The following MYBPC3 variants were observed in gnomAD, a reference collection of about 807,000 sequenced individuals.
The protein encoded by MYBPC3 is myosin binding protein C3, also known as myosin-binding protein C, cardiac-type.
Under a neutral mutation model 159.3 loss-of-function variants are expected in MYBPC3, and 108 were observed. The observed-to-expected ratio is 0.68, with a 90% CI of 0.58 to 0.80. MYBPC3 has a LOEUF of 0.80. MYBPC3 is among the 30% of genes least tolerant of loss of function. MYBPC3 has a pLI of 0.00. For missense variants in MYBPC3, 1,631 were observed against 1,762.1 expected (o/e 0.93, Z 1.33); for synonymous variants, 730 against 702.0 (o/e 1.04, Z -0.63).
At position 47,332,126 on chromosome 11, in the gene MYBPC3, T is replaced by TGCAGACATAGATGCCCCC. The variant is rs193922384; in HGVS notation, c.3742_3759dup (p.Gly1248_Cys1253dup). The TGCAGACATAGATGCCCCC allele has an allele frequency of 3.7e-6, 6 of 1,613,542 alleles. No homozygotes were observed. The highest frequency in any genetic ancestry group is 5.1e-6 in the Non-Finnish European group (6 of 1,179,874). Reference sequence around the variant, plus strand: ...GCCTCGCCCTGTAAGTTGGTGGCCCTGCAGACATAGATGCCCCCGTCAAAG... The same window carrying TGCAGACATAGATGCCCCC: ...GCCTCGCCCTGTAAGTTGGTGGCCCTGCAGACATAGATGCCCCCGCAGACATAGATGCCCCCGTCAAAG... On this transcript the variant is annotated inframe_insertion, in exon 33 of 35. Coordinates refer to ENST00000545968, the MANE Select transcript of MYBPC3 (RefSeq NM_000256.3). This position sits in a 1 kb window ranked among gnomAD's most constrained non-coding sequence, Gnocchi z 4.2.
Position 47,351,110 on chromosome 11 carries a change from C to T in MYBPC3, c.292+129G>A, listed in dbSNP as rs752132862. 40 of 1,218,676 alleles carry T rather than the reference C, an allele frequency of 3.3e-5. No individual in the cohort carries two copies. Among genetic ancestry groups the T allele is most frequent in the Non-Finnish European group, 4.2e-5 (38 of 909,402 alleles). 75.5% of individuals were successfully genotyped at this position (1,218,676 alleles called of 1,614,324 possible). A position where few individuals can be genotyped will look rare whatever the true frequency, so the allele number is the denominator to read the frequency against. On this transcript the variant is annotated intron_variant, in intron 2 of 34. Transcript: ENST00000545968. The surrounding 1 kb of genome is among the most constrained non-coding windows in gnomAD (Gnocchi z 4.2). ...GAAAAGGGGGAAAGGGCGTTCCTGG[C>T]GGGGGGCACAGCCACAGCAAAGGCA...
Position 47,350,487 on chromosome 11 carries a change from C to T in MYBPC3, c.406+15G>A. On this transcript the variant is annotated intron_variant, in intron 3 of 34. Coordinates refer to ENST00000545968, the MANE Select transcript of MYBPC3 (RefSeq NM_000256.3). ...TACCCACGGATCCTGCCCCTCCCTGCCCAGCCCCTCTCACCTTTGGGACTT... is the reference window on the plus strand; with the variant it reads ...TACCCACGGATCCTGCCCCTCCCTGTCCAGCCCCTCTCACCTTTGGGACTT... 1 of 1,549,932 alleles carries T rather than the reference C, an allele frequency of 6.5e-7. No homozygotes were observed. Among genetic ancestry groups the T allele is most frequent in the South Asian group, 1.2e-5 (1 of 83,664 alleles).
rs748746951 is a variant in MYBPC3, at chr11:47,347,857, G to A, written c.821C>T (p.Thr274Met). ...DLDLLSAFRRTSLAGGGRRIS... is the reference protein window; with the variant it reads ...DLDLLSAFRRMSLAGGGRRIS... Reference sequence around the variant, plus strand: ...CCAGGCCCTGAGGATGGCCACTCACGTGCGGCGGAAGGCTGATAGGAGGTC... The same window carrying A: ...CCAGGCCCTGAGGATGGCCACTCACATGCGGCGGAAGGCTGATAGGAGGTC... The change falls in exon 7 of 35, where the codon ACG becomes ATG. Residue 274 changes from threonine to methionine, a missense_variant and splice_region_variant. Physicochemically the swap from Thr to Met is moderately conservative, Grantham distance 81. Coordinates refer to ENST00000545968, the MANE Select transcript of MYBPC3 (RefSeq NM_000256.3). The A allele has an allele frequency of 1.9e-5, 29 of 1,565,364 alleles. No homozygotes were observed. Among genetic ancestry groups the A allele is most frequent in the South Asian group, 4.7e-5 (4 of 84,810 alleles).
chr11:47,344,996 G>T (rs1158332015), intron 12 of MYBPC3, among the ~76,000 whole-genome samples: 4 of 152,162 alleles, frequency 2.6e-5, no homozygotes, highest in Non-Finnish European at 5.9e-5. Flanking sequence ...CACCATGTTG[G>T]TCAGGCTGGT....
At chr11:47,342,469 T>C (rs1356154842) in intron 17 of MYBPC3, 109 bp downstream of exon 17, 4 of 1,329,078 alleles carry the variant, frequency 3.0e-6, no homozygotes, top group Non-Finnish European at 4.0e-6. Flanking sequence ...AGGCCCAAGG[T>C]CACAGAGGCC....
In MYBPC3 at chr11:47,332,466, G is replaced by C. The variant is rs2095878117; in HGVS notation, c.3627+100C>G. ...CCCGGTCCATACACCCCAAGGTGGA[G>C]AGAAAGCAGGGGAGACAGGCTGGGG... On this transcript the variant is annotated intron_variant, in intron 32 of 34. Coordinates refer to ENST00000545968, the MANE Select transcript of MYBPC3 (RefSeq NM_000256.3). The surrounding 1 kb of genome is among the most constrained non-coding windows in gnomAD (Gnocchi z 4.2). 6.6e-7 allele frequency: 1 copy of C among 1,519,276 alleles called. No individual in the cohort carries two copies. Among genetic ancestry groups the C allele is most frequent in the Non-Finnish European group, 8.9e-7 (1 of 1,126,944 alleles). 94.1% of individuals were successfully genotyped at this position (1,519,276 alleles called of 1,614,324 possible). A position where few individuals can be genotyped will look rare whatever the true frequency, so the allele number is the denominator to read the frequency against.
chr11:47,343,548 G>A lies in MYBPC3; in HGVS notation c.1167C>T (p.Asp389=). 1 of 1,611,922 alleles carries A rather than the reference G, an allele frequency of 6.2e-7. No homozygotes were observed. Among genetic ancestry groups the A allele is most frequent in the South Asian group, 1.1e-5 (1 of 90,482 alleles). Residue 389 remains aspartate, a synonymous_variant, in exon 13 of 35, where the codon GAC becomes GAT. Coordinates refer to ENST00000545968, the MANE Select transcript of MYBPC3 (RefSeq NM_000256.3). ...TGAGCCATTTGACCTCAGCGTCATGGTCAGCCAGTTCCACGGTCAGCCGGA... is the reference window on the plus strand; with the variant it reads ...TGAGCCATTTGACCTCAGCGTCATGATCAGCCAGTTCCACGGTCAGCCGGA... ...HKIRLTVELA[D]HDAEVKWLKN...
chr11:47,346,429 T>G lies in MYBPC3; in HGVS notation c.927-59A>C. On this transcript the variant is annotated intron_variant, in intron 11 of 34. Transcript: ENST00000545968. This position sits in a 1 kb window ranked among gnomAD's most constrained non-coding sequence, Gnocchi z 5.3. ...AAGACTGCAGCCCCCTGGGCGGGGC[T>G]TCCTGGGCCCAGGACCAAGGAGCTG... The G allele has an allele frequency of 2.0e-6, 3 of 1,492,138 alleles. No homozygotes were observed. The highest frequency in any genetic ancestry group is 2.7e-6 in the Non-Finnish European group (3 of 1,115,194). 92.4% of individuals were successfully genotyped at this position (1,492,138 alleles called of 1,614,324 possible).
intron 3 of MYBPC3, 52 bp from the exon 4 acceptor site, chr11:47,350,164 C>T: frequency 6.6e-7 from 1 of 1,522,126 alleles, no homozygotes; most frequent in Non-Finnish European, 8.9e-7. Flanking sequence ...TGCTCTGTCA[C>T]CCAGGCTGGA....
chr11:47,332,819 C>T lies in MYBPC3; in HGVS notation c.3485G>A (p.Arg1162Lys), dbSNP rs370040023. The change falls in exon 31 of 35, where the codon AGA becomes AAA. Residue 1162 changes from arginine (R) to lysine (K), a missense_variant. Coordinates refer to ENST00000545968, the MANE Select transcript of MYBPC3 (RefSeq NM_000256.3). The surrounding 1 kb of genome is among the most constrained non-coding windows in gnomAD (Gnocchi z 4.2). ...GAAGAATGAGGGTACAGCACCTGGTCTGGGGATAAAGACGGGCTCCTTGGT... is the reference window on the plus strand; with the variant it reads ...GAAGAATGAGGGTACAGCACCTGGTTTGGGGATAAAGACGGGCTCCTTGGT... ...ATTKEPVFIP[R>K]PGITYEPPNY... is the part of the protein sequence containing the mutation. 1.9e-6 allele frequency: 3 copies of T among 1,605,794 alleles called. No homozygotes were observed. The African/African-American group carries it at 4.0e-5, about 21-fold the overall frequency.
In MYBPC3 at chr11:47,331,681, C is replaced by T; in HGVS notation, c.*62G>A. 1.4e-6 allele frequency: 1 copy of T among 722,100 alleles called. No homozygotes were observed. Among genetic ancestry groups the T allele is most frequent in the East Asian group, 2.7e-5 (1 of 36,430 alleles). 44.7% of individuals were successfully genotyped at this position (722,100 alleles called of 1,614,324 possible). A position where few individuals can be genotyped will look rare whatever the true frequency, so the allele number is the denominator to read the frequency against. On this transcript the variant is annotated 3_prime_UTR_variant, in exon 35 of 35. Coordinates refer to ENST00000545968, the MANE Select transcript of MYBPC3 (RefSeq NM_000256.3). ...AGGGAGGGGTTTCCCCAACTTCCCTCCAGGCTCCTGGCACGGGGCTGGCAT... is the reference window on the plus strand; with the variant it reads ...AGGGAGGGGTTTCCCCAACTTCCCTTCAGGCTCCTGGCACGGGGCTGGCAT...
chr11:47,337,463 T>C lies in MYBPC3; in HGVS notation c.2530A>G (p.Met844Val). ...ATGGCGTTGACCGCGTAGACGCGCA[T>C]CTCGTACACCACGCCCTCGATCATG... The part of the protein sequence containing the change: ...RRMIEGVVYE[M>V]RVYAVNAIGM... The change falls in exon 25 of 35, where the codon ATG (methionine) becomes GTG (valine). Residue 844 changes from methionine (M) to valine (V), a missense_variant. Coordinates refer to ENST00000545968, the MANE Select transcript of MYBPC3 (RefSeq NM_000256.3). 1 of 1,613,766 alleles carries C rather than the reference T, an allele frequency of 6.2e-7. No individual in the cohort carries two copies. The highest frequency in any genetic ancestry group is 8.5e-7 in the Non-Finnish European group (1 of 1,179,864).
At position 47,346,956 on chromosome 11, in the gene MYBPC3, G is replaced by C. The variant is rs897841449; in HGVS notation, c.908+71C>G. 7.6e-5 allele frequency: 58 copies of C among 767,610 alleles called. No individual in the cohort carries two copies. The highest frequency in any genetic ancestry group is 1.3e-4 in the Non-Finnish European group (54 of 420,064). The allele number at this position is 767,610 out of a possible 1,614,324, so 47.5% of individuals were successfully genotyped here. A position where few individuals can be genotyped will look rare whatever the true frequency, so the allele number is the denominator to read the frequency against. ...GAGTCTCTCACCACAGCCTCTCAGA[G>C]AGGGGACGGGAATCCCCTCTGCACC... On this transcript the variant is annotated intron_variant, in intron 10 of 34. Coordinates refer to ENST00000545968, the MANE Select transcript of MYBPC3 (RefSeq NM_000256.3). The surrounding 1 kb of genome is among the most constrained non-coding windows in gnomAD (Gnocchi z 5.3).
chr11:47,338,966 A>C lies in MYBPC3; in HGVS notation c.2149-287T>G, dbSNP rs1165414471. The stretch of plus-strand genomic sequence containing the variant: ...TTCAGAAGAACCAACAGTGCCAGGC[A>C]GGAGCAAGACCCCGGCAGCTACACT... On this transcript the variant is annotated intron_variant, in intron 22 of 34. Transcript: ENST00000545968. This position sits in a 1 kb window ranked among gnomAD's most constrained non-coding sequence, Gnocchi z 4.7. Among the ~76,000 whole-genome samples, 1 of 152,232 alleles carries C rather than the reference A, an allele frequency of 6.6e-6. No individual in the cohort carries two copies. Among genetic ancestry groups the C allele is most frequent in the African/African-American group, 2.4e-5 (1 of 41,456 alleles).
intron 12 of MYBPC3, among the ~76,000 whole-genome samples, chr11:47,343,849 C>T (rs1328930595): frequency 3.3e-5 from 5 of 152,194 alleles, no homozygotes; most frequent in African/African-American, 9.6e-5. Flanking sequence ...AGTGCAATGG[C>T]GCCATCTTGG....
At chr11:47,342,238 G>A (rs1337777900) in intron 17 of MYBPC3, 82 bp from the exon 18 acceptor site, 2 of 1,509,274 alleles carry the variant, frequency 1.3e-6, no homozygotes, top group African/African-American at 1.4e-5. Context: ...GTGGGCCCAT[G>A]GGCGCTGGTG....
rs747597677 is a variant in MYBPC3, at chr11:47,351,522, A to G, written c.26-17T>C. On this transcript the variant is annotated splice_polypyrimidine_tract_variant and intron_variant, in intron 1 of 34. Transcript: ENST00000545968. This position sits in a 1 kb window ranked among gnomAD's most constrained non-coding sequence, Gnocchi z 4.2. ...AAGCTGAGACTGAAGGGCCAGGTGG[A>G]GGCTACAGCGGCCCCTGGTTGGAGC... 3 of 1,566,548 alleles carry G rather than the reference A, an allele frequency of 1.9e-6. No homozygotes were observed. In the East Asian group the frequency reaches 6.8e-5, roughly 36 times the overall value.
chr11:47,332,181 C>T lies in MYBPC3; in HGVS notation c.3705G>A (p.Val1235=), dbSNP rs397516036. ...AGGGCTTTCTAATCTCCAGAGTCAA[C>T]ACTCCCTGCTTGCTGAACATGCGGA... ...ARFRMFSKQG[V]LTLEIRKPCP... is the part of the protein sequence containing the mutation. Residue 1235 remains valine (V), a synonymous_variant, in exon 33 of 35, where the codon GTG becomes GTA. Transcript: ENST00000545968. The surrounding 1 kb of genome is among the most constrained non-coding windows in gnomAD (Gnocchi z 4.2). 9.3e-6 allele frequency: 15 copies of T among 1,613,862 alleles called. No homozygotes were observed. Among genetic ancestry groups the T allele is most frequent in the Middle Eastern group, 1.6e-4 (1 of 6,062 alleles).
rs376041792 is a variant in MYBPC3 at position 47,342,636 on chromosome 11, C to T, written c.1566G>A (p.Ala522=). The T allele has an allele frequency of 1.8e-4, 293 of 1,613,956 alleles. 1 individual carries two copies. The Middle Eastern group carries it at 2.6e-3, about 15-fold the overall frequency. Residue 522 remains alanine, a synonymous_variant, in exon 17 of 35, where the codon GCG becomes GCA. Transcript: ENST00000545968. ...CGCTAGTGCACAGTGCATAGTGCCCCGCGTCCTCCAGCATGGCCTCGTTGA... is the reference window on the plus strand; with the variant it reads ...CGCTAGTGCACAGTGCATAGTGCCCTGCGTCCTCCAGCATGGCCTCGTTGA... ...LIINEAMLED[A]GHYALCTSGG...
Sources: allele counts gnomAD v4.1 joint callset (sites outside exome capture counted in the v4.1 genomes callset), GRCh38; gene constraint gnomAD v4.1.1; non-coding constraint Gnocchi (gnomAD v3.1); transcripts MANE v1.5; gene names NCBI Gene and HGNC (gene_info 2026-07-23, HGNC 2026-07-21).